Variants in SLC36A4 observed in about 807,000 individuals in gnomAD.
SLC36A4 encodes the protein solute carrier family 36 member 4.
A neutral mutation model predicts 50.5 loss-of-function variants in SLC36A4; 49 were observed. The ratio of observed to expected loss-of-function variants is 0.97; its 90% CI spans 0.77 to 1.23. The LOEUF is 1.23. Ranked by LOEUF, SLC36A4 falls within the 50% of genes most tolerant of loss-of-function variation. SLC36A4 has a pLI of 0.00. For synonymous variants in SLC36A4, 207 were observed against 206.5 expected, an observed-to-expected ratio of 1.00 and a Z score of -0.02; for missense variants, 611 against 608.4, an observed-to-expected ratio of 1.00 and a Z score of -0.05.
At chr11:93,148,991 C>G (rs1859957111) in intron 10 of SLC36A4, 147 bp from the exon 11 acceptor site, 4 of 928,784 alleles carry the variant, frequency 4.3e-6, no homozygotes, top group African/African-American at 3.4e-5. Context: ...TGAAAAAAAT[C>G]TGCCATATTT....
Position 93,148,150 on chromosome 11 carries a change from TTA to T in SLC36A4, c.*385_*386del, listed in dbSNP as rs1324789783. 6.2e-6 allele frequency: 1 copy of T among 162,318 alleles called. No homozygotes were observed. The highest frequency in any genetic ancestry group is 1.3e-5 in the Non-Finnish European group (1 of 75,830). 10.1% of individuals were successfully genotyped at this position (162,318 alleles called of 1,614,324 possible). On this transcript the variant is annotated 3_prime_UTR_variant, in exon 11 of 11. Transcript: ENST00000326402. ...AGAGAGCTTTTTGTTATACATGTTC[TTA>T]TTTTATTCTCTTATTGTTGAAATCC...
intron 1 of SLC36A4, among the ~76,000 whole-genome samples, chr11:93,187,182 G>A (rs969934117): frequency 1.3e-5 from 2 of 151,820 alleles, no homozygotes; most frequent in African/African-American, 4.8e-5. Context: ...TGCTACTTTT[G>A]AGAAATCTGA....
chr11:93,163,877 C>T (rs554697193), intron 8 of SLC36A4, among the ~76,000 whole-genome samples: 18 of 151,946 alleles, frequency 1.2e-4, no homozygotes, highest in Admixed American at 1.1e-3. Context: ...TGTTTTGTTA[C>T]TCATATTATT....
chr11:93,145,361 G>T lies in SLC36A4; in HGVS notation c.*3176C>A, dbSNP rs1214740064. On this transcript the variant is annotated 3_prime_UTR_variant, in exon 11 of 11. Transcript: ENST00000326402. ...TAGTGAGAATACGACTAAATATAAT[G>T]TGGCATTTGCTAATACAGACTTGTT... is the stretch of plus-strand genomic sequence containing the variant. The T allele has an allele frequency of 6.6e-6, 1 of 152,092 alleles. No homozygotes were observed. The highest frequency in any genetic ancestry group is 1.5e-5 in the Non-Finnish European group (1 of 67,992). 9.4% of individuals were successfully genotyped at this position (152,092 alleles called of 1,614,324 possible).
At chr11:93,163,516 T>C (rs1462392794) in intron 8 of SLC36A4, among the ~76,000 whole-genome samples, 1 of 152,196 alleles carries the variant, frequency 6.6e-6, no homozygotes, top group East Asian at 1.9e-4. Flanking sequence ...ACTGGTATTG[T>C]AGGTTTTAGA....
intron 9 of SLC36A4, among the ~76,000 whole-genome samples, chr11:93,158,357 T>G (rs1299893259): frequency 1.3e-5 from 2 of 152,158 alleles, no homozygotes; most frequent in Admixed American, 6.6e-5. Flanking sequence ...ATATTTAACA[T>G]TTTTTAAAAT....
chr11:93,160,181 T>C (rs1860555612), intron 9 of SLC36A4: 1 of 985,334 alleles, frequency 1.0e-6, no homozygotes, highest in Non-Finnish European at 1.2e-6. Context: ...CAGTTGTGAC[T>C]ATTATTTTAA....
intron 1 of SLC36A4, 114 bp from the exon 2 acceptor site, chr11:93,185,928 C>A: frequency 1.1e-6 from 1 of 906,564 alleles, no homozygotes; most frequent in Non-Finnish European, 1.6e-6. Flanking sequence ...TTTACTATTT[C>A]CATCCTAAGT....
intron 6 of SLC36A4, among the ~76,000 whole-genome samples, chr11:93,178,347 T>G (rs1376775608): frequency 6.6e-6 from 1 of 152,170 alleles, no homozygotes. Flanking sequence ...TGTGCTTCCC[T>G]GGTGAGATGA....
Position 93,182,833 on chromosome 11 carries a change from A to G in SLC36A4, c.332T>C (p.Val111Ala). 1 of 1,612,690 alleles carries G rather than the reference A, an allele frequency of 6.2e-7. No homozygotes were observed. Among genetic ancestry groups the G allele is most frequent in the Middle Eastern group, 1.7e-4 (1 of 6,054 alleles). Reference protein sequence around the residue: ...IISVHCMHILVRCSHFLCLRF... With the variant: ...IISVHCMHILARCSHFLCLRF... ...CAGACATAGAAAGTGACTGCAACGTACCAATATGTGCATACAGTGAACAGA... is the reference window on the plus strand; with the variant it reads ...CAGACATAGAAAGTGACTGCAACGTGCCAATATGTGCATACAGTGAACAGA... Residue 111 changes from valine (V) to alanine (A), a missense_variant, in exon 4 of 11, where the codon GTA becomes GCA. Transcript: ENST00000326402.
At chr11:93,194,228 TA>T (rs558499770) in intron 1 of SLC36A4, among the ~76,000 whole-genome samples, 325 of 151,826 alleles carry the variant, frequency 2.1e-3, no homozygotes, top group African/African-American at 6.4e-3. Flanking sequence ...AATATAAAAA[TA>T]AAAAAAATTT....
chr11:93,197,471 G>A, intron 1 of SLC36A4: 1 of 463,742 alleles, frequency 2.2e-6, no homozygotes. Context: ...GAGTCACGGC[G>A]CAGGCTCTTG....
intron 6 of SLC36A4, among the ~76,000 whole-genome samples, chr11:93,175,920 T>C (rs1162968481): frequency 8.2e-6 from 1 of 121,376 alleles, no homozygotes; most frequent in Non-Finnish European, 1.7e-5. Flanking sequence ...AAAATGTATA[T>C]TCTGTTGATT....
At chr11:93,189,454 TG>T (rs1590988006) in intron 1 of SLC36A4, among the ~76,000 whole-genome samples, 2 of 151,740 alleles carry the variant, frequency 1.3e-5, no homozygotes, top group East Asian at 1.9e-4. Context: ...AATTGAGGGG[TG>T]GGGGGACTAT....
intron 6 of SLC36A4, among the ~76,000 whole-genome samples, chr11:93,177,507 C>T (rs1391841655): frequency 2.0e-5 from 3 of 151,974 alleles, no homozygotes; most frequent in African/African-American, 7.2e-5. Flanking sequence ...CGAGGAGCTG[C>T]GTTCCTTTGG....
intron 9 of SLC36A4, among the ~76,000 whole-genome samples, chr11:93,156,836 T>C (rs1203499647): frequency 1.3e-5 from 2 of 152,230 alleles, no homozygotes; most frequent in Non-Finnish European, 2.9e-5. Flanking sequence ...TTCTGTGCTG[T>C]GCAGAAGCTC....
chr11:93,167,899 T>C (rs1200879069), intron 7 of SLC36A4, 45 bp downstream of exon 7: 3 of 1,328,108 alleles, frequency 2.3e-6, no homozygotes, highest in Non-Finnish European at 3.1e-6. Flanking sequence ...AAATTTTACT[T>C]ACATAAGAAA....
At position 93,168,189 on chromosome 11, in the gene SLC36A4, G is replaced by C. The variant is rs1860971296; in HGVS notation, c.541-18C>G. On this transcript the variant is annotated intron_variant, in intron 6 of 10. Coordinates refer to ENST00000326402, the MANE Select transcript of SLC36A4 (RefSeq NM_152313.4). ...TCATGAACCTACATAGGATTACCAGGAGAATAAAGAAGGGGGAAAAACTTC... is the reference window on the plus strand; with the variant it reads ...TCATGAACCTACATAGGATTACCAGCAGAATAAAGAAGGGGGAAAAACTTC... The C allele has an allele frequency of 6.6e-7, 1 of 1,516,794 alleles. No homozygotes were observed. The allele number at this position is 1,516,794 out of a possible 1,614,324, so 94.0% of individuals were successfully genotyped here. A position where few individuals can be genotyped will look rare whatever the true frequency, so the allele number is the denominator to read the frequency against.
chr11:93,161,450 T>C (rs899546751), intron 9 of SLC36A4, among the ~76,000 whole-genome samples: 5 of 152,216 alleles, frequency 3.3e-5, no homozygotes, highest in African/African-American at 1.2e-4. Flanking sequence ...AATTGTAATT[T>C]AAAAATACAG....
Sources: gnomAD v4.1 joint callset for allele counts (sites outside exome capture counted in the v4.1 genomes callset) on GRCh38, gnomAD v4.1.1 for gene constraint, MANE v1.5 for transcripts, NCBI Gene and HGNC (gene_info 2026-07-23, HGNC 2026-07-21) for gene names.